The following FOXP1 variants were observed in gnomAD, a reference collection of about 807,000 sequenced individuals.
The protein encoded by FOXP1 is forkhead box protein P1.
A neutral mutation model predicts 98.2 loss-of-function variants in FOXP1; 15 were observed. The ratio of observed to expected loss-of-function variants is 0.15; its 90% CI spans 0.10 to 0.24. The LOEUF (loss-of-function observed/expected upper bound fraction) is 0.24, where lower values mean the gene tolerates loss of function less well. Among genes scored for constraint, FOXP1 ranks in the 10% least tolerant of loss-of-function variants. The pLI is 1.00. For synonymous variants in FOXP1, 371 were observed against 314.5 expected, an observed-to-expected ratio of 1.18 and a Z score of -1.90; for missense variants, 633 against 848.5, an observed-to-expected ratio of 0.75 and a Z score of 3.15.
intron 3 of FOXP1, among the ~76,000 whole-genome samples, chr3:71,426,970 A>G (rs954978585): frequency 9.9e-5 from 15 of 151,822 alleles, no homozygotes; most frequent in Middle Eastern, 6.8e-3. Flanking sequence ...CTAAGGCAGG[A>G]GAATCGTTTG....
intron 6 of FOXP1, among the ~76,000 whole-genome samples, chr3:71,181,917 C>A (rs1375804466): frequency 6.6e-6 from 1 of 151,712 alleles, no homozygotes; most frequent in East Asian, 1.9e-4. Context: ...TGCCTGTAGT[C>A]CCAGCTACTC....
chr3:71,481,372 GGCC>G (rs1446396141), intron 3 of FOXP1, among the ~76,000 whole-genome samples: 1 of 152,138 alleles, frequency 6.6e-6, no homozygotes, highest in Non-Finnish European at 1.5e-5. Context: ...CAAATTGTCT[GGCC>G]AACATCCTGT....
chr3:70,986,886 G>A (rs1239436347), intron 14 of FOXP1, among the ~76,000 whole-genome samples: 2 of 152,244 alleles, frequency 1.3e-5, no homozygotes, highest in South Asian at 4.1e-4. Flanking sequence ...ATCTTGGCAG[G>A]CTACCATATT....
At chr3:70,992,115 T>A (rs2040694196) in intron 13 of FOXP1, among the ~76,000 whole-genome samples, 1 of 152,182 alleles carries the variant, frequency 6.6e-6, no homozygotes, top group South Asian at 2.1e-4. Context: ...ACGACTGCGG[T>A]CTCACCTAAA....
In FOXP1 at chr3:71,105,235, A is replaced by T. The variant is rs183603680; in HGVS notation, c.282+7301T>A. Among the ~76,000 whole-genome samples the T allele has an allele frequency of 7.1e-4, 108 of 152,262 alleles. 1 individual carries two copies. Among genetic ancestry groups the T allele is most frequent in the Non-Finnish European group, 1.2e-3 (82 of 68,012 alleles). Reference sequence around the variant, plus strand: ...TTTTTTTTTCCCCCTCTTTCCCTGAAGCACAAGTGGACGACCAGCAAGGGT... The same window carrying T: ...TTTTTTTTTCCCCCTCTTTCCCTGATGCACAAGTGGACGACCAGCAAGGGT... On this transcript the variant is annotated intron_variant, in intron 7 of 20. Coordinates refer to ENST00000649528, the MANE Select transcript of FOXP1 (RefSeq NM_001349338.3).
At chr3:70,966,266 A>C (rs906206748) in intron 19 of FOXP1, 8 of 587,752 alleles carry the variant, frequency 1.4e-5, no homozygotes, top group Non-Finnish European at 2.2e-5. Flanking sequence ...ACTGGGGGCC[A>C]GGGGGGACCA....
chr3:71,130,542 T>C (rs925779660), intron 6 of FOXP1: 4 of 1,598,342 alleles, frequency 2.5e-6, no homozygotes, highest in Admixed American at 1.7e-5. Context: ...ACTGTCTGCC[T>C]TTGGATTTCC....
chr3:71,018,646 A>G (rs1419277713), intron 11 of FOXP1, among the ~76,000 whole-genome samples: 1 of 152,224 alleles, frequency 6.6e-6, no homozygotes, highest in African/African-American at 2.4e-5. Flanking sequence ...ATTGTCTGAA[A>G]TAAAGTGTTT....
chr3:71,022,184 C>A (rs1232420359), intron 11 of FOXP1, among the ~76,000 whole-genome samples: 2 of 151,986 alleles, frequency 1.3e-5, no homozygotes, highest in South Asian at 4.2e-4. Flanking sequence ...TGTCCCAGCA[C>A]CATTTGATAA....
chr3:71,548,770 C>G (rs575000357), intron 2 of FOXP1, among the ~76,000 whole-genome samples: 18 of 151,712 alleles, frequency 1.2e-4, no homozygotes, highest in South Asian at 4.2e-4. Flanking sequence ...CTTTACCCCC[C>G]CAAAAGAAAT....
chr3:71,536,644 A>C (rs2044319544), intron 2 of FOXP1, among the ~76,000 whole-genome samples: 1 of 151,634 alleles, frequency 6.6e-6, no homozygotes, highest in South Asian at 2.1e-4. Context: ...AGCTTTCAGA[A>C]TAAAATCCTC....
At position 71,345,485 on chromosome 3, in the gene FOXP1, A is replaced by G. The variant is rs151186308; in HGVS notation, c.-73+13665T>C. Among the ~76,000 whole-genome samples, 98 of 151,950 alleles carry G rather than the reference A, an allele frequency of 6.4e-4. 1 individual carries two copies. Among genetic ancestry groups the G allele is most frequent in the African/African-American group, 2.3e-3 (97 of 41,460 alleles). ...GATCAAAACCTGGTTTCCTAACTGAATTGAAAAGATGCCTTTAGCTTTGTG... is the reference window on the plus strand; with the variant it reads ...GATCAAAACCTGGTTTCCTAACTGAGTTGAAAAGATGCCTTTAGCTTTGTG... On this transcript the variant is annotated intron_variant, in intron 4 of 20. Coordinates refer to ENST00000649528, the MANE Select transcript of FOXP1 (RefSeq NM_001349338.3).
intron 5 of FOXP1, among the ~76,000 whole-genome samples, chr3:71,298,031 C>A (rs1329736821): frequency 6.6e-6 from 1 of 152,168 alleles, no homozygotes; most frequent in Non-Finnish European, 1.5e-5. Context: ...ATTATAGAGA[C>A]CAGGAGACAG....
rs1351356544 is a variant in FOXP1 at position 71,423,016 on chromosome 3, G to A, written c.-167-63772C>T. On this transcript the variant is annotated intron_variant, in intron 3 of 20. Coordinates refer to ENST00000649528, the MANE Select transcript of FOXP1 (RefSeq NM_001349338.3). ...CTCATTCAGGAGCCAGGAAAGAGCT[G>A]CCTGAAGCCCAACACCCAGCCCAAT... Among the ~76,000 whole-genome samples the A allele has an allele frequency of 2.6e-5, 4 of 152,130 alleles. No homozygotes were observed. In the East Asian group the frequency reaches 7.7e-4, roughly 29 times the overall value.
chr3:71,237,841 A>G (rs1412914811), intron 5 of FOXP1, among the ~76,000 whole-genome samples: 1 of 152,202 alleles, frequency 6.6e-6, no homozygotes, highest in Non-Finnish European at 1.5e-5. Context: ...AATCAAAGGG[A>G]AGGAGACAGC....
intron 2 of FOXP1, among the ~76,000 whole-genome samples, chr3:71,549,860 T>TA (rs55826932): frequency 0.14 from 8,600 of 59,922 alleles, 1,391 homozygotes; most frequent in Non-Finnish European, 0.19. Context: ...ATGCTGGGAG[T>TA]AAAAAAAAAA....
At chr3:71,180,906 T>C (rs547478323) in intron 6 of FOXP1, among the ~76,000 whole-genome samples, 2 of 152,286 alleles carry the variant, frequency 1.3e-5, no homozygotes, top group South Asian at 2.1e-4. Context: ...TTCAGTAACG[T>C]TGCTAGTAGG....
chr3:71,573,718 T>C (rs2047515429), intron 2 of FOXP1: 1 of 152,146 alleles, frequency 6.6e-6, no homozygotes, highest in Admixed American at 6.5e-5. Flanking sequence ...TCCAAAATTA[T>C]TTAAAGTTGC....
rs573474600 is a variant in FOXP1, at chr3:71,416,392, A to G, written c.-167-57148T>C. Among the ~76,000 whole-genome samples the G allele has an allele frequency of 3.9e-5, 6 of 152,116 alleles. No homozygotes were observed. The South Asian group carries it at 1.2e-3, about 32-fold the overall frequency. On this transcript the variant is annotated intron_variant, in intron 3 of 20. Coordinates refer to ENST00000649528, the MANE Select transcript of FOXP1 (RefSeq NM_001349338.3). ...CTCTACAGACAATTTTAAAATAAAA[A>G]TTTGCCAGGTATGGTGGTGTACACC...
Sources: gnomAD v4.1 joint callset for allele counts (sites outside exome capture counted in the v4.1 genomes callset) on GRCh38, gnomAD v4.1.1 for gene constraint, MANE v1.5 for transcripts, NCBI Gene and HGNC (gene_info 2026-07-23, HGNC 2026-07-21) for gene names.